Variants in AIFM3 observed in about 807,000 individuals in gnomAD.
AIFM3 encodes AIF family member 3, also known as apoptosis-inducing factor 3.
In AIFM3, 71 loss-of-function variants were observed where a neutral mutation model predicts 82.7. That is an observed-to-expected ratio of 0.86 (90% CI 0.71 to 1.05). The LOEUF is 1.05. Ranked by LOEUF, AIFM3 falls within the 50% of genes least tolerant of loss-of-function variation. The probability of loss-of-function intolerance (pLI) is 0.00; values close to 1 mark genes in which losing one functional copy is unlikely to be tolerated. For missense variants in AIFM3, 748 were observed against 816.7 expected, an observed-to-expected ratio of 0.92 and a Z score of 1.03; for synonymous variants, 337 against 329.1, an observed-to-expected ratio of 1.02 and a Z score of -0.26.
chr22:20,976,474 T>C lies in AIFM3; in HGVS notation c.966T>C (p.Asp322=). The C allele has an allele frequency of 1.2e-6, 2 of 1,614,020 alleles. No individual in the cohort carries two copies. Among genetic ancestry groups the C allele is most frequent in the Non-Finnish European group, 8.5e-7 (1 of 1,180,018 alleles). Residue 322 remains aspartate, a synonymous_variant, in exon 11 of 21, where the codon GAT becomes GAC. Transcript: ENST00000440238. ...ENVFTIRTPE[D]ANRVVRLARG... is the part of the protein sequence containing the mutation. Reference sequence around the variant, plus strand: ...TGTTCACTATCCGGACGCCAGAGGATGCCAATCGCGTGGTGAGGCTGGCCC... The same window carrying C: ...TGTTCACTATCCGGACGCCAGAGGACGCCAATCGCGTGGTGAGGCTGGCCC...
intron 8 of AIFM3, among the ~76,000 whole-genome samples, chr22:20,975,459 G>A (rs1212771266): frequency 1.3e-5 from 2 of 152,076 alleles, no homozygotes; most frequent in African/African-American, 4.8e-5. Context: ...TAGAAATGAG[G>A]TCATTTTTGT....
In AIFM3 at chr22:20,975,702, C is replaced by A; in HGVS notation, c.731C>A (p.Thr244Lys). 1 of 1,613,782 alleles carries A rather than the reference C, an allele frequency of 6.2e-7. No individual in the cohort carries two copies. The change falls in exon 9 of 21, where the codon ACA becomes AAA. Residue 244 changes from threonine to lysine, a missense_variant. Thr to Lys is a moderately conservative substitution (Grantham distance 78). This residue lies in a region of AIFM3 where 393 missense variants were observed against 481.1 expected (regional missense o/e 0.82). Transcript: ENST00000440238. Reference protein sequence around the residue: ...DRPKLSKSLDTQPEQLALRPK... With the variant: ...DRPKLSKSLDKQPEQLALRPK... ...GGCTCTCCCCTGCAGTCCCTGGACA[C>A]ACAGCCTGAGCAGCTGGCCCTGAGG...
At chr22:20,973,277 G>A in intron 2 of AIFM3, 30 bp from the exon 3 acceptor site, 11 of 1,552,282 alleles carry the variant, frequency 7.1e-6, no homozygotes, top group Non-Finnish European at 9.6e-6. Context: ...TGGCTGAGGT[G>A]GGGGGCTCAA....
In AIFM3 at chr22:20,980,099, C is replaced by G. The variant is rs541959282; in HGVS notation, c.1732C>G (p.Arg578Gly). ...SKVAEVLASG[R>G]AIRKREVELF... ...GGTCGCTGAGGTGCTGGCCTCAGGCCGTGCCATCCGGAAGCGGGAGGTGGA... is the reference window on the plus strand; with the variant it reads ...GGTCGCTGAGGTGCTGGCCTCAGGCGGTGCCATCCGGAAGCGGGAGGTGGA... The change falls in exon 19 of 21, where the codon CGT becomes GGT. Residue 578 changes from arginine to glycine, a missense_variant. Arg to Gly is a moderately radical substitution (Grantham distance 125). Transcript: ENST00000440238. The G allele has an allele frequency of 6.2e-7, 1 of 1,609,476 alleles. No individual in the cohort carries two copies. Among genetic ancestry groups the G allele is most frequent in the Non-Finnish European group, 8.5e-7 (1 of 1,179,978 alleles).
intron 2 of AIFM3, 109 bp downstream of exon 2, chr22:20,968,084 G>C: frequency 8.6e-7 from 1 of 1,163,524 alleles, no homozygotes; most frequent in Non-Finnish European, 1.2e-6. Context: ...AGTAGGTCAG[G>C]CTATCCAAGA....
At chr22:20,968,825 C>A (rs923016663) in intron 2 of AIFM3, among the ~76,000 whole-genome samples, 2 of 152,132 alleles carry the variant, frequency 1.3e-5, no homozygotes, top group Non-Finnish European at 2.9e-5. Flanking sequence ...AGCCAGCTCA[C>A]CCCAGCCAGC....
chr22:20,968,412 C>G (rs1923056244), intron 2 of AIFM3, among the ~76,000 whole-genome samples: 1 of 152,192 alleles, frequency 6.6e-6, no homozygotes, highest in Non-Finnish European at 1.5e-5. Flanking sequence ...CCTGGCCACC[C>G]TGACCTCTTA....
At chr22:20,975,419 C>T (rs1455218722) in intron 8 of AIFM3, among the ~76,000 whole-genome samples, 3 of 152,166 alleles carry the variant, frequency 2.0e-5, no homozygotes, top group Non-Finnish European at 4.4e-5. Context: ...GCGCGCACCA[C>T]CATGCCTGGC....
chr22:20,969,329 G>C (rs1184836200), intron 2 of AIFM3, among the ~76,000 whole-genome samples: 1 of 152,156 alleles, frequency 6.6e-6, no homozygotes, highest in Non-Finnish European at 1.5e-5. Context: ...TTCTGGCTGT[G>C]TGGCCTTGGG....
At position 20,974,074 on chromosome 22, in the gene AIFM3, C is replaced by T. The variant is rs370362252; in HGVS notation, c.367C>T (p.Arg123Cys). The T allele has an allele frequency of 3.0e-5, 48 of 1,609,208 alleles. No homozygotes were observed. The highest frequency in any genetic ancestry group is 6.7e-5 in the East Asian group (3 of 44,766). ...CCTCCCCTTCCCAGGCGTTCTGTCC[C>T]GTGGTCGGGTGCGCTGCCCCTGGCA... ...GAPLVKGVLS[R>C]GRVRCPWHGA... is the part of the protein sequence containing the mutation. The change falls in exon 5 of 21, where the codon CGT (arginine) becomes TGT (cysteine). Residue 123 changes from arginine to cysteine, a missense_variant. By Grantham distance (180) the Arg-to-Cys change is radical (BLOSUM62 -3). Transcript: ENST00000440238.
chr22:20,980,697 A>G (rs1445068054), intron 19 of AIFM3, 50 bp from the exon 20 acceptor site: 2 of 1,613,424 alleles, frequency 1.2e-6, no homozygotes, highest in Admixed American at 1.7e-5. Flanking sequence ...GATAAATGAC[A>G]TGCTCTCTCC....
chr22:20,974,944 G>T, intron 8 of AIFM3, 128 bp downstream of exon 8: 1 of 827,778 alleles, frequency 1.2e-6, no homozygotes, highest in South Asian at 1.7e-5. Context: ...CCTGTCCGTG[G>T]TACCCCCAAA....
chr22:20,980,959 C>T (rs779327447), intron 20 of AIFM3, 33 bp from the exon 21 acceptor site: 1 of 1,614,100 alleles, frequency 6.2e-7, no homozygotes, highest in Admixed American at 1.7e-5. Flanking sequence ...CTGTTTTCTT[C>T]TGTCTTGACC....
intron 16 of AIFM3, among the ~76,000 whole-genome samples, 172 bp downstream of exon 16, chr22:20,978,177 C>T (rs116710675): frequency 0.01 from 1,523 of 152,208 alleles, 23 homozygotes; most frequent in African/African-American, 0.034. Flanking sequence ...ACACAGAGAG[C>T]GACACCCCAC....
rs1264745796 is a variant in AIFM3, at chr22:20,976,290, C to G, written c.883C>G (p.Leu295Val). ...CAAGCTGGAGTACAGCAAGCTGCTGCTGGCACCAGGGAGCAGGTGGGAGGG... is the reference window on the plus strand; with the variant it reads ...CAAGCTGGAGTACAGCAAGCTGCTGGTGGCACCAGGGAGCAGGTGGGAGGG... ...GFKLEYSKLL[L>V]APGSSPKTLS... Residue 295 changes from leucine to valine, a missense_variant, in exon 10 of 21, where the codon CTG becomes GTG. Around this residue, in one of 5 missense-constraint regions of AIFM3, gnomAD observed 393 missense variants for 481.1 expected, o/e 0.82. Transcript: ENST00000440238. 6.2e-7 allele frequency: 1 copy of G among 1,614,062 alleles called. No individual in the cohort carries two copies. Among genetic ancestry groups the G allele is most frequent in the South Asian group, 1.1e-5 (1 of 91,074 alleles).
Position 20,977,024 on chromosome 22 carries a change from C to T in AIFM3, c.1219-8C>T, listed in dbSNP as rs1437089439. On this transcript the variant is annotated splice_region_variant and splice_polypyrimidine_tract_variant and intron_variant, in intron 13 of 20. Coordinates refer to ENST00000440238, the MANE Select transcript of AIFM3 (RefSeq NM_001386814.1). ...GGGTCCACCTGTTTATCCACCCACT[C>T]CCCACAGCTGAAGGAGGTTGTGCTG... The T allele has an allele frequency of 6.2e-7, 1 of 1,614,086 alleles. No individual in the cohort carries two copies. The highest frequency in any genetic ancestry group is 1.3e-5 in the African/African-American group (1 of 74,914).
Position 20,973,512 on chromosome 22 carries a change from G to T in AIFM3, c.237G>T (p.Glu79Asp), listed in dbSNP as rs747347737. The change falls in exon 3 of 21, where the codon GAG (glutamate) becomes GAT (aspartate). Residue 79 changes from glutamate to aspartate, a missense_variant. This residue lies in a region of AIFM3 where 148 missense variants were observed against 134.1 expected (regional missense o/e 1.10). Transcript: ENST00000440238. ...EAAVCHVKDL[E>D]NGQMREVELG... ...CTGTCTGCCACGTCAAGGACCTCGAGAATGGCCAGTGGGTTCTGGGCTTGC... is the reference window on the plus strand; with the variant it reads ...CTGTCTGCCACGTCAAGGACCTCGATAATGGCCAGTGGGTTCTGGGCTTGC... 1.2e-6 allele frequency: 2 copies of T among 1,611,720 alleles called. No homozygotes were observed. Among genetic ancestry groups the T allele is most frequent in the East Asian group, 4.5e-5 (2 of 44,872 alleles).
chr22:20,979,986 G>A (rs1345363110), intron 18 of AIFM3, 34 bp from the exon 19 acceptor site: 1 of 1,589,902 alleles, frequency 6.3e-7, no homozygotes. Flanking sequence ...CTGCTGCCTC[G>A]CAGTCCTCAG....
chr22:20,977,834 G>T (rs903183109), intron 15 of AIFM3, 54 bp from the exon 16 acceptor site: 14 of 1,613,828 alleles, frequency 8.7e-6, no homozygotes, highest in Non-Finnish European at 1.2e-5. Flanking sequence ...GTGGCAGGAG[G>T]TTCAGGTCAG....
Sources: gnomAD v4.1 joint callset for allele counts (sites outside exome capture counted in the v4.1 genomes callset) on GRCh38, gnomAD v4.1.1 for gene constraint, gnomAD v4.1.1 regional missense constraint, MANE v1.5 for transcripts, NCBI Gene and HGNC (gene_info 2026-07-23, HGNC 2026-07-21) for gene names.